The following PNPLA8 variants were observed in gnomAD, a reference collection of about 807,000 sequenced individuals.
PNPLA8 encodes patatin like domain 8, phospholipase A2.
PNPLA8 carries 39 observed loss-of-function variants against 76.9 expected under a neutral mutation model. That is an observed-to-expected ratio of 0.51 (90% confidence interval 0.39 to 0.66). PNPLA8 has a LOEUF of 0.66. Among genes scored for constraint, PNPLA8 ranks in the 30% least tolerant of loss-of-function variants. The pLI, the probability that PNPLA8 is intolerant of heterozygous loss-of-function variation, is 0.00. For missense variants in PNPLA8, 887 were observed against 918.0 expected, an observed-to-expected ratio of 0.97 and a Z score of 0.44; for synonymous variants, 301 against 307.9, an observed-to-expected ratio of 0.98 and a Z score of 0.24.
intron 4 of PNPLA8, chr7:108,510,104 C>T (rs1160678155): frequency 1.9e-6 from 1 of 518,188 alleles, no homozygotes; most frequent in East Asian, 3.3e-5. Flanking sequence ...GTGCAGCGCA[C>T]CAGCATGGCA....
chr7:108,510,693 A>C, intron 4 of PNPLA8: 1 of 1,599,586 alleles, frequency 6.3e-7, no homozygotes, highest in Non-Finnish European at 8.5e-7. Context: ...GAACTAATCT[A>C]CAAGAGTGGT....
chr7:108,479,417 T>A (rs1860237430), intron 9 of PNPLA8, 38 bp from the exon 10 acceptor site: 2 of 1,423,314 alleles, frequency 1.4e-6, no homozygotes, highest in Non-Finnish European at 2.0e-6. Flanking sequence ...CTTTTAAAAC[T>A]GACTCACGGG....
chr7:108,510,014 C>A (rs1158140514), intron 4 of PNPLA8, among the ~76,000 whole-genome samples: 1 of 120,396 alleles, frequency 8.3e-6, no homozygotes, highest in African/African-American at 3.3e-5. Flanking sequence ...ATATCACACT[C>A]TGGGGACTGT....
rs1863161867 is a variant in PNPLA8 at position 108,514,530 on chromosome 7, G to A, written c.962C>T (p.Ser321Leu). The change falls in exon 3 of 11, where the codon TCA (serine) becomes TTA (leucine). Residue 321 changes from serine (S) to leucine (L), a missense_variant. By Grantham distance (145) the Ser-to-Leu change is moderately radical. Coordinates refer to ENST00000257694, the MANE Select transcript of PNPLA8 (RefSeq NM_001256007.3). The part of the protein sequence containing the change: ...PKLKYDSKSQ[S>L]EEQEEPAKTD... ...TTTAGCAGGCTCTTCCTGTTCTTCT[G>A]ACTGACTCTTTGAATCATACTTTAA... is the stretch of plus-strand genomic sequence containing the variant. The A allele has an allele frequency of 1.2e-6, 2 of 1,613,590 alleles. No individual in the cohort carries two copies. Among genetic ancestry groups the A allele is most frequent in the Non-Finnish European group, 8.5e-7 (1 of 1,179,676 alleles).
At chr7:108,504,559 C>T (rs1862202080) in intron 4 of PNPLA8, among the ~76,000 whole-genome samples, 1 of 152,254 alleles carries the variant, frequency 6.6e-6, no homozygotes, top group Non-Finnish European at 1.5e-5. Context: ...TAAATTGTTC[C>T]ACATATTCAC....
chr7:108,514,080 A>G (rs1383734274), intron 4 of PNPLA8, 64 bp downstream of exon 4: 2 of 1,160,738 alleles, frequency 1.7e-6, no homozygotes, highest in Non-Finnish European at 2.5e-6. Context: ...TGCCTTCTCC[A>G]TTTTAGATTT....
Position 108,502,659 on chromosome 7 carries a change from G to A in PNPLA8, c.1207-17C>T, listed in dbSNP as rs768108087. ...AATTCTTTCCTATATTGAGAGAAAA[G>A]ATACTTTGTTGCTTTTGTCAAATCA... is the stretch of plus-strand genomic sequence containing the variant. On this transcript the variant is annotated splice_polypyrimidine_tract_variant and intron_variant, in intron 4 of 10. Transcript: ENST00000257694. 6.3e-7 allele frequency: 1 copy of A among 1,587,084 alleles called. No homozygotes were observed. The highest frequency in any genetic ancestry group is 8.6e-7 in the Non-Finnish European group (1 of 1,159,624).
Position 108,524,650 on chromosome 7 carries a change from C to T in PNPLA8, c.-130+1379G>A, listed in dbSNP as rs554637236. Among the ~76,000 whole-genome samples, 7 of 152,256 alleles carry T rather than the reference C, an allele frequency of 4.6e-5. No individual in the cohort carries two copies. The East Asian group carries it at 1.4e-3, about 29-fold the overall frequency. On this transcript the variant is annotated intron_variant, in intron 1 of 10. Coordinates refer to ENST00000257694, the MANE Select transcript of PNPLA8 (RefSeq NM_001256007.3). The stretch of plus-strand genomic sequence containing the variant: ...GAGCAGCCTGGCCAACATGGGGAAA[C>T]CCGTCTCTACTTAAAAAAATTAGCC...
rs777362862 is a variant in PNPLA8 at position 108,472,497 on chromosome 7, T to G, written c.2253A>C (p.Ile751=). ...NEQKMKKVAK[I]LSQEKTTLQK... The stretch of plus-strand genomic sequence containing the variant: ...GCAGAGTTGTTTTTTCTTGACTTAA[T>G]ATTTTTGCAACTTTTTTCATTTTTT... Residue 751 remains isoleucine, a synonymous_variant, in exon 11 of 11, where the codon ATA becomes ATC. Transcript: ENST00000257694. 6.2e-7 allele frequency: 1 copy of G among 1,608,586 alleles called. No homozygotes were observed. Among genetic ancestry groups the G allele is most frequent in the Non-Finnish European group, 8.5e-7 (1 of 1,177,292 alleles).
At chr7:108,484,827 A>C (rs529438634) in intron 9 of PNPLA8, among the ~76,000 whole-genome samples, 12 of 152,290 alleles carry the variant, frequency 7.9e-5, no homozygotes, top group Non-Finnish European at 1.6e-4. Flanking sequence ...CAATATGCCA[A>C]CTATGGTTAA....
intron 7 of PNPLA8, among the ~76,000 whole-genome samples, chr7:108,494,191 A>G (rs952659886): frequency 6.6e-6 from 1 of 152,222 alleles, no homozygotes; most frequent in African/African-American, 2.4e-5. Flanking sequence ...CCTTCAGAGT[A>G]GAAAAGACTT....
intron 4 of PNPLA8, among the ~76,000 whole-genome samples, chr7:108,512,856 T>C (rs769381888): frequency 1.2e-4 from 18 of 152,194 alleles, no homozygotes; most frequent in Non-Finnish European, 2.4e-4. Flanking sequence ...GGATTAGTTA[T>C]GCAAGATAAA....
intron 1 of PNPLA8, 51 bp from the exon 2 acceptor site, chr7:108,521,572 G>T: frequency 3.5e-6 from 1 of 286,234 alleles, no homozygotes; most frequent in Non-Finnish European, 5.2e-6. Context: ...GTCAGCCTGA[G>T]AAGTGCCATG....
chr7:108,505,515 A>T (rs76514582), intron 4 of PNPLA8, among the ~76,000 whole-genome samples: 29,713 of 150,050 alleles, frequency 0.2, 3,129 homozygotes, highest in East Asian at 0.35. Flanking sequence ...GGCGCACGCC[A>T]CCAAGCCCAG....
chr7:108,483,803 G>C (rs968886904), intron 9 of PNPLA8, among the ~76,000 whole-genome samples: 5 of 152,020 alleles, frequency 3.3e-5, no homozygotes, highest in Non-Finnish European at 7.4e-5. Flanking sequence ...TTTCCTAAAG[G>C]CCTTCTCAAG....
At chr7:108,527,973 C>T (rs1446266459), upstream of PNPLA8, 2 of 152,232 alleles carry the variant, frequency 1.3e-5, no homozygotes, top group Non-Finnish European at 1.5e-5. Flanking sequence ...AGATTTTCCT[C>T]CCATGTCAGA....
chr7:108,510,327 T>TA, intron 4 of PNPLA8: 2 of 1,586,680 alleles, frequency 1.3e-6, no homozygotes, highest in African/African-American at 1.3e-5. Flanking sequence ...ATGAAGCGCC[T>TA]GAGAAAGAAG....
At position 108,505,072 on chromosome 7, in the gene PNPLA8, T is replaced by C. The variant is rs1288685201; in HGVS notation, c.1207-2430A>G. 2.0e-5 allele frequency among the ~76,000 whole-genome samples: 3 copies of C among 151,506 alleles called. No individual in the cohort carries two copies. In the East Asian group the frequency reaches 5.8e-4, roughly 29 times the overall value. ...CCTGGGCAACAAGAGCGAAACTCCA[T>C]CTCAAAAAATACATAAATGAAAAAT... On this transcript the variant is annotated intron_variant, in intron 4 of 10. Coordinates refer to ENST00000257694, the MANE Select transcript of PNPLA8 (RefSeq NM_001256007.3).
intron 5 of PNPLA8, among the ~76,000 whole-genome samples, chr7:108,498,113 T>C (rs1489301689): frequency 7.0e-6 from 1 of 142,692 alleles, no homozygotes; most frequent in Non-Finnish European, 1.5e-5. Context: ...CAATATAAAA[T>C]TGAAAAAAAA....
Sources: gnomAD v4.1 joint callset for allele counts (sites outside exome capture counted in the v4.1 genomes callset) on GRCh38, gnomAD v4.1.1 for gene constraint, MANE v1.5 for transcripts, NCBI Gene and HGNC (gene_info 2026-07-23, HGNC 2026-07-21) for gene names.